The following CEP128 variants were observed in gnomAD, a reference collection of about 807,000 sequenced individuals.
CEP128 encodes the protein centrosomal protein 128.
In CEP128, 132 loss-of-function variants were observed where a neutral mutation model predicts 156.7. That is an observed-to-expected ratio of 0.84 (90% CI 0.73 to 0.97). The LOEUF (loss-of-function observed/expected upper bound fraction) is 0.97. Among genes scored for constraint, CEP128 ranks in the 50% least tolerant of loss-of-function variants. The pLI, the probability that CEP128 is intolerant of heterozygous loss-of-function variation, is 0.00. For missense variants in CEP128, 1,252 were observed against 1,281.9 expected (o/e 0.98, Z 0.36); for synonymous variants, 469 against 448.9 (o/e 1.04, Z -0.57).
Position 80,764,476 on chromosome 14 carries a change from G to A in CEP128, c.2377-2863C>T, listed in dbSNP as rs1049473662. On this transcript the variant is annotated intron_variant, in intron 16 of 24. Transcript: ENST00000555265. ...ATTGCGCCACTGCAGTCCGCAGTCC[G>A]GCCTGGGCGACAGAGCGAGACTCCG... is the stretch of plus-strand genomic sequence containing the variant. Among the ~76,000 whole-genome samples, 26 of 151,512 alleles carry A rather than the reference G, an allele frequency of 1.7e-4. 1 individual carries two copies. The highest frequency in any genetic ancestry group is 2.8e-4 in the Non-Finnish European group (19 of 67,812).
intron 16 of CEP128, among the ~76,000 whole-genome samples, chr14:80,772,603 A>T (rs1900571721): frequency 1.3e-5 from 2 of 152,202 alleles, no homozygotes; most frequent in Admixed American, 6.5e-5. Context: ...AGGCTAAAAG[A>T]GTGCACTGTG....
intron 8 of CEP128, among the ~76,000 whole-genome samples, chr14:80,889,378 T>C (rs1888967512): frequency 6.6e-6 from 1 of 152,176 alleles, no homozygotes; most frequent in Admixed American, 6.5e-5. Flanking sequence ...CTTCGAACTA[T>C]ACTACAAGGC....
intron 19 of CEP128, among the ~76,000 whole-genome samples, chr14:80,672,630 A>G (rs8018751): frequency 0.028 from 4,263 of 152,272 alleles, 212 homozygotes; most frequent in African/African-American, 0.097. Context: ...TCAACTACAG[A>G]CACATATTCA....
rs144551680 is a variant in CEP128 at position 80,679,877 on chromosome 14, G to A, written c.2806+63198C>T. Reference sequence around the variant, plus strand: ...CCAATATGTGATGTCACCCCCGGAGGCCCAGCTGTAAAATTCATCTCTTTG... The same window carrying A: ...CCAATATGTGATGTCACCCCCGGAGACCCAGCTGTAAAATTCATCTCTTTG... On this transcript the variant is annotated intron_variant, in intron 19 of 24. Coordinates refer to ENST00000555265, the MANE Select transcript of CEP128 (RefSeq NM_152446.5). 2.6e-3 allele frequency among the ~76,000 whole-genome samples: 402 copies of A among 152,226 alleles called. 2 individuals carry two copies. Among genetic ancestry groups the A allele is most frequent in the African/African-American group, 9.2e-3 (380 of 41,526 alleles).
chr14:80,856,203 C>G (rs1887147660), intron 9 of CEP128, among the ~76,000 whole-genome samples: 1 of 152,158 alleles, frequency 6.6e-6, no homozygotes, highest in Non-Finnish European at 1.5e-5. Context: ...TTAAACTTCA[C>G]CATCGTCTAT....
chr14:80,947,789 A>C (rs115735260), intron 2 of CEP128, among the ~76,000 whole-genome samples: 2,078 of 152,310 alleles, frequency 0.014, 19 homozygotes, highest in Middle Eastern at 0.051. Flanking sequence ...ACCTGTAGGC[A>C]TAGGGAGAAA....
intron 19 of CEP128, among the ~76,000 whole-genome samples, chr14:80,625,380 G>A (rs1008526832): frequency 6.6e-6 from 1 of 152,134 alleles, no homozygotes; most frequent in African/African-American, 2.4e-5. Context: ...GACAGGGAGT[G>A]TTATGCCTCG....
chr14:80,674,022 C>T (rs12890152), intron 19 of CEP128, among the ~76,000 whole-genome samples: 2 of 151,494 alleles, frequency 1.3e-5, no homozygotes, highest in East Asian at 3.9e-4. Context: ...AATCACCTTT[C>T]GTTTCTTAGA....
intron 19 of CEP128, among the ~76,000 whole-genome samples, chr14:80,584,705 C>A (rs72689071): frequency 0.13 from 20,470 of 152,060 alleles, 1,479 homozygotes; most frequent in South Asian, 0.25. Flanking sequence ...TAGGTGAGAC[C>A]CCTAGATAGT....
chr14:80,817,427 G>A (rs989643265), intron 13 of CEP128, among the ~76,000 whole-genome samples: 13 of 152,090 alleles, frequency 8.5e-5, no homozygotes, highest in Non-Finnish European at 8.8e-5. Flanking sequence ...AGGAGACAAC[G>A]ATTTCAAATC....
At chr14:80,631,983 C>T (rs746635639) in intron 19 of CEP128, among the ~76,000 whole-genome samples, 1 of 152,026 alleles carries the variant, frequency 6.6e-6, no homozygotes, top group Non-Finnish European at 1.5e-5. Context: ...CTAAGGTTGA[C>T]CTGACTCTAA....
intron 19 of CEP128, among the ~76,000 whole-genome samples, chr14:80,583,748 T>C (rs1463322832): frequency 1.3e-5 from 2 of 152,222 alleles, no homozygotes; most frequent in Non-Finnish European, 2.9e-5. Flanking sequence ...CAATACATAA[T>C]TCTTCCTCTA....
intron 9 of CEP128, among the ~76,000 whole-genome samples, chr14:80,854,522 T>G (rs764137106): frequency 6.6e-6 from 1 of 152,104 alleles, no homozygotes; most frequent in Non-Finnish European, 1.5e-5. Flanking sequence ...AAGGGATACC[T>G]TCCAGGCCGT....
intron 19 of CEP128, among the ~76,000 whole-genome samples, chr14:80,696,832 A>G (rs1896907954): frequency 6.6e-6 from 1 of 152,210 alleles, no homozygotes; most frequent in African/African-American, 2.4e-5. Flanking sequence ...GGAATAAAAT[A>G]AAGTAGAACC....
upstream of CEP128, among the ~76,000 whole-genome samples, chr14:80,945,235 A>G (rs1025140252): frequency 1.3e-5 from 2 of 152,174 alleles, no homozygotes; most frequent in African/African-American, 4.8e-5. Flanking sequence ...GAGCACATAC[A>G]TGGTTTCTCT....
chr14:80,833,429 T>C (rs953318343), intron 12 of CEP128, among the ~76,000 whole-genome samples: 7 of 151,852 alleles, frequency 4.6e-5, no homozygotes, highest in African/African-American at 1.7e-4. Flanking sequence ...ACACATGTAG[T>C]ATATGTAATG....
At chr14:80,545,809 A>C (rs1889958852) in intron 21 of CEP128, among the ~76,000 whole-genome samples, 1 of 152,198 alleles carries the variant, frequency 6.6e-6, no homozygotes, top group Non-Finnish European at 1.5e-5. Flanking sequence ...GGACACACTA[A>C]AGGCAATTCT....
chr14:80,659,152 A>G (rs1416796343), intron 19 of CEP128, among the ~76,000 whole-genome samples: 3 of 152,176 alleles, frequency 2.0e-5, no homozygotes. Flanking sequence ...CCAGAAAATA[A>G]AATTTGCTAA....
intron 19 of CEP128, among the ~76,000 whole-genome samples, chr14:80,614,427 T>C (rs548647904): frequency 2.9e-4 from 44 of 152,336 alleles, no homozygotes; most frequent in Non-Finnish European, 5.7e-4. Context: ...CCTATTCTTT[T>C]TTATCATTTC....
Sources: allele counts gnomAD v4.1 joint callset (sites outside exome capture counted in the v4.1 genomes callset), GRCh38; gene constraint gnomAD v4.1.1; transcripts MANE v1.5; gene names NCBI Gene and HGNC (gene_info 2026-07-23, HGNC 2026-07-21).